The following CFAP95 variants were observed in gnomAD, a reference collection of about 807,000 sequenced individuals.
CFAP95 encodes the protein cilia- and flagella-associated protein 95.
chr9:69,890,893 G>A, the CFAP95 span, among the ~76,000 whole-genome samples: 1 of 152,164 alleles, frequency 6.6e-6, no homozygotes, highest in Non-Finnish European at 1.5e-5. Flanking sequence ...AAATACAGAG[G>A]ATTAGGAAGC....
chr9:69,880,990 C>G, the CFAP95 span, among the ~76,000 whole-genome samples: 2 of 152,054 alleles, frequency 1.3e-5, no homozygotes, highest in Admixed American at 1.3e-4. Context: ...ATCTTTGGCC[C>G]ATTTTTTGAT....
At chr9:69,823,363 G>A in the CFAP95 span, among the ~76,000 whole-genome samples, 1 of 152,172 alleles carries the variant, frequency 6.6e-6, no homozygotes, top group African/African-American at 2.4e-5. Flanking sequence ...GATGAGATTT[G>A]GGTGGGGACA....
At chr9:69,905,944 T>TC in the CFAP95 span, 1 of 1,498,482 alleles carries the variant, frequency 6.7e-7, no homozygotes, top group African/African-American at 1.4e-5. Flanking sequence ...TTCTCTTTTT[T>TC]CCCCCATAGG....
chr9:69,848,146 T>C, the CFAP95 span, among the ~76,000 whole-genome samples: 1 of 152,214 alleles, frequency 6.6e-6, no homozygotes. Context: ...CACAAGACTC[T>C]GGTGACTGGT....
the CFAP95 span, among the ~76,000 whole-genome samples, chr9:69,873,086 G>C: frequency 6.6e-6 from 1 of 152,134 alleles, no homozygotes; most frequent in Non-Finnish European, 1.5e-5. Flanking sequence ...ATGATTTCCA[G>C]AACAACAAGG....
chr9:69,840,709 A>T, the CFAP95 span, among the ~76,000 whole-genome samples: 1 of 152,172 alleles, frequency 6.6e-6, no homozygotes, highest in East Asian at 1.9e-4. Context: ...TATTTCATAC[A>T]GTATATTTTA....
At chr9:69,846,302 T>G in the CFAP95 span, among the ~76,000 whole-genome samples, 1 of 152,086 alleles carries the variant, frequency 6.6e-6, no homozygotes, top group South Asian at 2.1e-4. Flanking sequence ...TGCGTTACAG[T>G]GGTCAAGCCT....
At chr9:69,835,142 C>CT in the CFAP95 span, among the ~76,000 whole-genome samples, 1 of 152,302 alleles carries the variant, frequency 6.6e-6, no homozygotes, top group East Asian at 1.9e-4. Flanking sequence ...GGAAAGGTAT[C>CT]TTTTGCTTCT....
the CFAP95 span, among the ~76,000 whole-genome samples, chr9:69,832,675 A>G: frequency 8.4e-5 from 2 of 23,760 alleles, no homozygotes; most frequent in African/African-American, 1.7e-4. Context: ...TTTTTTTCTC[A>G]GCTGGCCTTA....
the CFAP95 span, among the ~76,000 whole-genome samples, chr9:69,838,524 C>G: frequency 1.1e-4 from 17 of 151,556 alleles, no homozygotes; most frequent in African/African-American, 3.6e-4. Context: ...CATGATTTGG[C>G]TCTCTGTTTG....
the CFAP95 span, among the ~76,000 whole-genome samples, chr9:69,890,351 T>C: frequency 6.6e-6 from 1 of 152,236 alleles, no homozygotes; most frequent in Non-Finnish European, 1.5e-5. Context: ...ATGACAGTTG[T>C]TTGCCTTTAT....
At chr9:69,897,328 A>G in the CFAP95 span, among the ~76,000 whole-genome samples, 1 of 152,216 alleles carries the variant, frequency 6.6e-6, no homozygotes, top group Admixed American at 6.5e-5. Context: ...CCAGGTGGCT[A>G]ATAGCTATCT....
the CFAP95 span, among the ~76,000 whole-genome samples, chr9:69,841,192 A>ATATATATATATATATATATG: frequency 1.8e-4 from 23 of 124,416 alleles, no homozygotes; most frequent in African/African-American, 6.0e-4. Context: ...ATATATATAT[A>ATATATATATATATATATATG]TATATTTCTG....
the CFAP95 span, among the ~76,000 whole-genome samples, chr9:69,851,722 GC>G: frequency 6.6e-6 from 1 of 152,118 alleles, no homozygotes; most frequent in Non-Finnish European, 1.5e-5. Flanking sequence ...CATCCCGTAA[GC>G]CAGGTGTGGT....
At chr9:69,904,465 T>C in the CFAP95 span, among the ~76,000 whole-genome samples, 1 of 152,238 alleles carries the variant, frequency 6.6e-6, no homozygotes, top group Non-Finnish European at 1.5e-5. Flanking sequence ...TGAGATCCAA[T>C]TCTAATCACT....
At chr9:69,833,610 C>G in the CFAP95 span, among the ~76,000 whole-genome samples, 1 of 152,196 alleles carries the variant, frequency 6.6e-6, no homozygotes, top group South Asian at 2.1e-4. Context: ...GAGGCCACCT[C>G]TGTGCAATCT....
chr9:69,905,608 T>C, the CFAP95 span, among the ~76,000 whole-genome samples: 1 of 151,622 alleles, frequency 6.6e-6, no homozygotes, highest in African/African-American at 2.4e-5. Flanking sequence ...TTAAAAGGTG[T>C]TGAATTGTAA....
At chr9:69,835,346 T>G in the CFAP95 span, among the ~76,000 whole-genome samples, 1 of 152,200 alleles carries the variant, frequency 6.6e-6, no homozygotes. Flanking sequence ...AGCTCAGATT[T>G]TCATTGTTCT....
the CFAP95 span, among the ~76,000 whole-genome samples, chr9:69,822,531 C>A: frequency 6.6e-6 from 1 of 152,298 alleles, no homozygotes; most frequent in East Asian, 1.9e-4. Context: ...AGCTCTCAAG[C>A]AAAACACTTA....
Sources: allele counts gnomAD v4.1 joint callset (sites outside exome capture counted in the v4.1 genomes callset), GRCh38; gene constraint gnomAD v4.1.1; transcripts MANE v1.5; gene names NCBI Gene and HGNC (gene_info 2026-07-23, HGNC 2026-07-21).